The following GPC5 variants were observed in gnomAD, a reference collection of about 807,000 sequenced individuals.
GPC5 encodes glypican 5, also known as glypican-5.
In GPC5, 47 loss-of-function variants were observed where a neutral mutation model predicts 53.9. The observed-to-expected ratio is 0.87, with a 90% CI of 0.69 to 1.11. The LOEUF (loss-of-function observed/expected upper bound fraction) is 1.11. Among genes scored for constraint, GPC5 ranks in the 50% most tolerant of loss-of-function variants. The pLI, the probability that GPC5 is intolerant of heterozygous loss-of-function variation, is 0.00. For synonymous variants in GPC5, 286 were observed against 263.3 expected (o/e 1.09, Z -0.84); for missense variants, 748 against 713.1 (o/e 1.05, Z -0.56).
chr13:92,194,570 A>G (rs567243771), intron 7 of GPC5, among the ~76,000 whole-genome samples: 1 of 152,354 alleles, frequency 6.6e-6, no homozygotes, highest in East Asian at 1.9e-4. Context: ...CCTCACTGAA[A>G]AATAGTATCC....
At chr13:92,697,894 T>G (rs372285194) in intron 7 of GPC5, among the ~76,000 whole-genome samples, 4 of 152,290 alleles carry the variant, frequency 2.6e-5, no homozygotes, top group South Asian at 4.1e-4. Context: ...TATTGAGAGT[T>G]TTTAGCATGA....
chr13:92,624,306 A>G (rs1366661821), intron 7 of GPC5, among the ~76,000 whole-genome samples: 1 of 152,010 alleles, frequency 6.6e-6, no homozygotes, highest in East Asian at 1.9e-4. Context: ...CTGATCTCAG[A>G]TGATCCAGCT....
intron 2 of GPC5, among the ~76,000 whole-genome samples, chr13:91,604,423 G>A (rs1011877120): frequency 6.6e-6 from 1 of 151,926 alleles, no homozygotes; most frequent in Non-Finnish European, 1.5e-5. Flanking sequence ...ATGGGTGCAT[G>A]TGTCTTTATA....
At chr13:92,509,953 T>A (rs1314673722) in intron 7 of GPC5, 1 of 152,188 alleles carries the variant, frequency 6.6e-6, no homozygotes, top group East Asian at 1.9e-4. Context: ...TTATATGCTA[T>A]ACACATACTC....
intron 7 of GPC5, among the ~76,000 whole-genome samples, chr13:92,303,934 C>T (rs2043092785): frequency 6.6e-6 from 1 of 152,108 alleles, no homozygotes; most frequent in South Asian, 2.1e-4. Context: ...AATAACTTCA[C>T]AGCAGTAGGA....
At chr13:92,437,521 A>C (rs996914727) in intron 7 of GPC5, among the ~76,000 whole-genome samples, 10 of 152,168 alleles carry the variant, frequency 6.6e-5, no homozygotes, top group African/African-American at 2.4e-4. Flanking sequence ...ACATCAAAAA[A>C]TAGAAAAGTT....
intron 7 of GPC5, among the ~76,000 whole-genome samples, chr13:92,381,442 A>G (rs1192421874): frequency 2.6e-5 from 4 of 152,188 alleles, no homozygotes; most frequent in African/African-American, 7.2e-5. Flanking sequence ...AATCAAAACC[A>G]CAATGCAATA....
chr13:91,486,578 A>G (rs1263637881), intron 2 of GPC5: 1 of 152,154 alleles, frequency 6.6e-6, no homozygotes, highest in Admixed American at 6.5e-5. Context: ...ATAAATAGAA[A>G]ATTTCTAAGG....
chr13:91,404,238 C>A (rs1383842699), intron 1 of GPC5, among the ~76,000 whole-genome samples: 1 of 152,122 alleles, frequency 6.6e-6, no homozygotes, highest in South Asian at 2.1e-4. Flanking sequence ...CCTGGTAAGA[C>A]CAAGAACAAC....
intron 7 of GPC5, among the ~76,000 whole-genome samples, chr13:92,445,003 C>T (rs1429844772): frequency 1.3e-5 from 2 of 152,020 alleles, no homozygotes; most frequent in Non-Finnish European, 2.9e-5. Flanking sequence ...AGAAGAATGC[C>T]TGAAAGATTT....
At chr13:91,897,368 T>TGTGCGC (rs1555295196) in intron 5 of GPC5, among the ~76,000 whole-genome samples, 11 of 149,424 alleles carry the variant, frequency 7.4e-5, no homozygotes, top group African/African-American at 2.7e-4. Flanking sequence ...TGTGTGTGTG[T>TGTGCGC]GCGCCTGTGC....
intron 6 of GPC5, among the ~76,000 whole-genome samples, chr13:91,960,973 A>G (rs978196971): frequency 7.9e-5 from 12 of 151,798 alleles, no homozygotes; most frequent in African/African-American, 2.9e-4. Flanking sequence ...CCAGGATATG[A>G]GTCTAGGCAA....
Position 92,337,224 on chromosome 13 carries a change from A to C in GPC5, c.1561+192235A>C, listed in dbSNP as rs1045526233. Among the ~76,000 whole-genome samples, 7 of 152,064 alleles carry C rather than the reference A, an allele frequency of 4.6e-5. No individual in the cohort carries two copies. In the East Asian group the frequency reaches 1.4e-3, roughly 29 times the overall value. ...ACCCAAAAAAAAAAAAGAAATAGGT[A>C]CACATTGAACAAAATATCTTCAAGA... On this transcript the variant is annotated intron_variant, in intron 7 of 7. Coordinates refer to ENST00000377067, the MANE Select transcript of GPC5 (RefSeq NM_004466.6).
chr13:91,988,548 CT>C (rs2040429209), intron 6 of GPC5, among the ~76,000 whole-genome samples: 1 of 152,198 alleles, frequency 6.6e-6, no homozygotes, highest in South Asian at 2.1e-4. Flanking sequence ...AAGATCAGCG[CT>C]GTGAAAGGCA....
intron 7 of GPC5, among the ~76,000 whole-genome samples, chr13:92,862,867 T>G (rs1879227317): frequency 6.6e-6 from 1 of 152,154 alleles, no homozygotes; most frequent in Non-Finnish European, 1.5e-5. Flanking sequence ...CTTTCCTTAG[T>G]GAAACTAAAA....
chr13:92,540,356 T>C (rs919037884), intron 7 of GPC5, among the ~76,000 whole-genome samples: 1 of 151,940 alleles, frequency 6.6e-6, no homozygotes, highest in African/African-American at 2.4e-5. Context: ...ACTATAAATA[T>C]GAATACGATA....
intron 7 of GPC5, among the ~76,000 whole-genome samples, chr13:92,652,008 A>G (rs1473467034): frequency 1.3e-5 from 2 of 152,140 alleles, no homozygotes; most frequent in Non-Finnish European, 2.9e-5. Flanking sequence ...CAAAAATGTG[A>G]ACACATATGC....
At chr13:92,082,721 A>T (rs2041306433) in intron 6 of GPC5, among the ~76,000 whole-genome samples, 1 of 152,164 alleles carries the variant, frequency 6.6e-6, no homozygotes, top group South Asian at 2.1e-4. Flanking sequence ...TTATTGAGCC[A>T]TTATTCAATT....
intron 7 of GPC5, among the ~76,000 whole-genome samples, chr13:92,607,393 T>A (rs1404784785): frequency 6.6e-6 from 1 of 152,164 alleles, no homozygotes; most frequent in African/African-American, 2.4e-5. Context: ...GAAATAATAA[T>A]TTCTATTTAG....
Sources: allele counts gnomAD v4.1 joint callset (sites outside exome capture counted in the v4.1 genomes callset), GRCh38; gene constraint gnomAD v4.1.1; transcripts MANE v1.5; gene names NCBI Gene and HGNC (gene_info 2026-07-23, HGNC 2026-07-21).